The following PDE5A variants were observed in gnomAD, a reference collection of about 807,000 sequenced individuals.
PDE5A encodes the protein phosphodiesterase 5A.
Under a neutral mutation model 110.2 loss-of-function variants are expected in PDE5A, and 67 were observed. That is an observed-to-expected ratio of 0.61 (90% CI 0.50 to 0.75). The LOEUF (loss-of-function observed/expected upper bound fraction) is 0.75, where lower values mean the gene tolerates loss of function less well. Ranked by LOEUF, PDE5A falls within the 30% of genes least tolerant of loss-of-function variation. The probability of loss-of-function intolerance (pLI) is 0.00; values close to 1 mark genes in which losing one functional copy is unlikely to be tolerated. For missense variants in PDE5A, 862 were observed against 1,045.1 expected, an observed-to-expected ratio of 0.82 and a Z score of 2.42; for synonymous variants, 328 against 351.2, an observed-to-expected ratio of 0.93 and a Z score of 0.74.
chr4:119,501,292 T>C (rs755278235), intron 19 of PDE5A, 39 bp from the exon 20 acceptor site: 1 of 1,157,636 alleles, frequency 8.6e-7, no homozygotes, highest in Admixed American at 1.7e-5. Flanking sequence ...CAGATGTGCA[T>C]TTATTTATTT....
At chr4:119,518,204 T>C (rs772363622) in intron 14 of PDE5A, among the ~76,000 whole-genome samples, 4 of 152,244 alleles carry the variant, frequency 2.6e-5, no homozygotes, top group Non-Finnish European at 5.9e-5. Flanking sequence ...GCCCATTAGT[T>C]GAATCACTTG....
chr4:119,622,732 G>T (rs1366625250), intron 1 of PDE5A, among the ~76,000 whole-genome samples: 1 of 151,804 alleles, frequency 6.6e-6, no homozygotes, highest in Non-Finnish European at 1.5e-5. Flanking sequence ...AATTAGCTGG[G>T]TGTGGTGGTG....
chr4:119,576,902 G>A (rs1235233794), intron 3 of PDE5A, among the ~76,000 whole-genome samples: 11 of 152,086 alleles, frequency 7.2e-5, no homozygotes, highest in Non-Finnish European at 1.2e-4. Context: ...TCCAGGAGCT[G>A]GTTTTTTGAA....
intron 1 of PDE5A, among the ~76,000 whole-genome samples, chr4:119,626,754 G>T (rs1343087906): frequency 2.6e-5 from 4 of 152,166 alleles, no homozygotes; most frequent in African/African-American, 7.2e-5. Flanking sequence ...TCCTCTGGGC[G>T]CTCAAGATTT....
chr4:119,502,397 A>C (rs1392475423), intron 19 of PDE5A, 184 bp downstream of exon 19: 1 of 467,894 alleles, frequency 2.1e-6, no homozygotes, highest in Admixed American at 3.9e-5. Flanking sequence ...AGTCTTTATT[A>C]TGCCTTTTAT....
intron 1 of PDE5A, among the ~76,000 whole-genome samples, chr4:119,611,944 T>C (rs1430290303): frequency 1.3e-5 from 2 of 152,242 alleles, no homozygotes; most frequent in East Asian, 1.9e-4. Context: ...ACAATCTATA[T>C]GGCCAAATGA....
intron 1 of PDE5A, among the ~76,000 whole-genome samples, chr4:119,609,401 A>G (rs1326904363): frequency 6.6e-6 from 1 of 152,204 alleles, no homozygotes; most frequent in African/African-American, 2.4e-5. Flanking sequence ...AATTATATGT[A>G]CTGATATGTA....
intron 1 of PDE5A, among the ~76,000 whole-genome samples, chr4:119,612,346 C>G (rs1417958237): frequency 6.6e-6 from 1 of 152,116 alleles, no homozygotes; most frequent in Non-Finnish European, 1.5e-5. Context: ...AGTTCATGGC[C>G]TTGTTTAAAA....
chr4:119,562,473 G>C (rs1727775592), intron 6 of PDE5A, among the ~76,000 whole-genome samples: 1 of 149,122 alleles, frequency 6.7e-6, no homozygotes, highest in Admixed American at 6.7e-5. Flanking sequence ...ATAGCAACTA[G>C]GTCACCAGTA....
At chr4:119,566,099 G>C (rs902437630) in intron 4 of PDE5A, among the ~76,000 whole-genome samples, 1 of 151,752 alleles carries the variant, frequency 6.6e-6, no homozygotes, top group Admixed American at 6.6e-5. Flanking sequence ...ATGGATTATA[G>C]ACATAATAAT....
chr4:119,565,294 T>C lies in PDE5A; in HGVS notation c.993+27A>G, dbSNP rs746529975. 6 of 1,442,010 alleles carry C rather than the reference T, an allele frequency of 4.2e-6. No homozygotes were observed. In the African/African-American group the frequency reaches 8.4e-5, roughly 20 times the overall value. The allele number at this position is 1,442,010 out of a possible 1,614,324, so 89.3% of individuals were successfully genotyped here. On this transcript the variant is annotated intron_variant, in intron 5 of 20. Transcript: ENST00000354960. ...TAACAATTTTTAAAAAGTATTTCTA[T>C]GCACTTTCTTTAGTAATCAGACTGA...
chr4:119,546,913 AAT>A (rs1727148615), intron 9 of PDE5A, among the ~76,000 whole-genome samples: 1 of 151,952 alleles, frequency 6.6e-6, no homozygotes, highest in Non-Finnish European at 1.5e-5. Flanking sequence ...ATTTCTCTTT[AAT>A]AATTTGATAA....
chr4:119,628,303 G>GCAAATACATTTTTGTATTTGAAC (rs1730435157), intron 1 of PDE5A, among the ~76,000 whole-genome samples: 1 of 149,262 alleles, frequency 6.7e-6, no homozygotes. Flanking sequence ...TGGGAGGTCG[G>GCAAATACATTTTTGTATTTGAAC]CAAGTACATT....
intron 9 of PDE5A, chr4:119,550,462 A>G (rs1384195392): frequency 6.6e-6 from 1 of 152,234 alleles, no homozygotes; most frequent in Non-Finnish European, 1.5e-5. Context: ...TGTGCCCATA[A>G]GTGTGGCTGA....
chr4:119,577,855 G>A (rs986005049), intron 3 of PDE5A, among the ~76,000 whole-genome samples: 2 of 152,234 alleles, frequency 1.3e-5, no homozygotes, highest in African/African-American at 4.8e-5. Context: ...GGCAGGAGAA[G>A]GAAATAAAGG....
chr4:119,577,356 T>C (rs945841721), intron 3 of PDE5A, among the ~76,000 whole-genome samples: 2 of 152,198 alleles, frequency 1.3e-5, no homozygotes, highest in Non-Finnish European at 2.9e-5. Flanking sequence ...ATCATCCTGA[T>C]ACCAAAGCCT....
chr4:119,515,341 G>C (rs1001510293), intron 14 of PDE5A, among the ~76,000 whole-genome samples: 7 of 152,022 alleles, frequency 4.6e-5, no homozygotes, highest in African/African-American at 1.5e-4. Flanking sequence ...CATGACTTCA[G>C]CTCACTTCTG....
At chr4:119,567,238 T>C in intron 3 of PDE5A, 94 bp from the exon 4 acceptor site, 1 of 899,544 alleles carries the variant, frequency 1.1e-6, no homozygotes, top group Non-Finnish European at 1.8e-6. Context: ...ATCCTGCATG[T>C]GCTTTAAAAT....
At chr4:119,624,307 T>A (rs993851031) in intron 1 of PDE5A, among the ~76,000 whole-genome samples, 7 of 152,178 alleles carry the variant, frequency 4.6e-5, no homozygotes, top group African/African-American at 9.6e-5. Context: ...AACAATAATT[T>A]AAAAAAATAC....
Sources: gnomAD v4.1 joint callset for allele counts (sites outside exome capture counted in the v4.1 genomes callset) on GRCh38, gnomAD v4.1.1 for gene constraint, MANE v1.5 for transcripts, NCBI Gene and HGNC (gene_info 2026-07-23, HGNC 2026-07-21) for gene names.